The following PRIM2 variants were observed in gnomAD, a reference collection of about 807,000 sequenced individuals.
PRIM2 encodes DNA primase large subunit.
In PRIM2, 39 loss-of-function variants were observed where a neutral mutation model predicts 67.3. The observed-to-expected ratio is 0.58, with a 90% CI of 0.45 to 0.76. PRIM2 has a LOEUF of 0.76. Among genes scored for constraint, PRIM2 ranks in the 30% least tolerant of loss-of-function variants. The pLI is 0.00. For missense variants in PRIM2, 398 were observed against 598.7 expected (o/e 0.66, Z 3.50); for synonymous variants, 143 against 198.7 (o/e 0.72, Z 2.36).
At chr6:57,477,690 T>C (rs1773508549) in intron 7 of PRIM2, among the ~76,000 whole-genome samples, 5 of 152,220 alleles carry the variant, frequency 3.3e-5, no homozygotes. Context: ...TTGAAGACTA[T>C]AGATTCTTTA....
In PRIM2 at chr6:57,488,121, C is replaced by T. The variant is rs1181182320; in HGVS notation, c.694-19266C>T. Among the ~76,000 whole-genome samples, 189 of 152,316 alleles carry T rather than the reference C, an allele frequency of 1.2e-3. 5 individuals carry two copies. In the East Asian group the frequency reaches 0.016, roughly 13 times the overall value. On this transcript the variant is annotated intron_variant, in intron 7 of 13. Transcript: ENST00000615550. The stretch of plus-strand genomic sequence containing the variant: ...TCTGACCTTCAACTCAGGCTTACAT[C>T]ATTTGTTACTATGTTCTTTCCATCT...
intron 13 of PRIM2, among the ~76,000 whole-genome samples, chr6:57,645,038 C>T (rs1457377001): frequency 6.6e-6 from 1 of 151,976 alleles, no homozygotes; most frequent in East Asian, 1.9e-4. Flanking sequence ...TGTAAAAAGA[C>T]CAAGGAAAGG....
At chr6:57,316,956 G>C (rs1767498836), upstream of PRIM2, among the ~76,000 whole-genome samples, 2 of 152,176 alleles carry the variant, frequency 1.3e-5, no homozygotes, top group South Asian at 4.1e-4. Context: ...ATTCAGCTGC[G>C]CGCTTCCTCT....
chr6:57,583,471 C>T (rs1364828533), intron 10 of PRIM2, among the ~76,000 whole-genome samples: 3 of 151,270 alleles, frequency 2.0e-5, no homozygotes, highest in African/African-American at 4.9e-5. Flanking sequence ...TGATGGTTTC[C>T]AATTTCATCC....
At chr6:57,624,916 T>C (rs1776921442) in intron 12 of PRIM2, among the ~76,000 whole-genome samples, 1 of 152,072 alleles carries the variant, frequency 6.6e-6, no homozygotes, top group South Asian at 2.1e-4. Context: ...TGGTGGAAGG[T>C]GAGAGGCACG....
chr6:57,419,523 T>C (rs1263726699), intron 7 of PRIM2, among the ~76,000 whole-genome samples: 1 of 152,048 alleles, frequency 6.6e-6, no homozygotes, highest in Non-Finnish European at 1.5e-5. Context: ...AGGAACAAGG[T>C]GTGGTTTCCT....
Position 57,463,281 on chromosome 6 carries a change from G to A in PRIM2, c.694-44106G>A, listed in dbSNP as rs111605888. Among the ~76,000 whole-genome samples the A allele has an allele frequency of 1.6e-3, 237 of 152,224 alleles. 1 individual carries two copies. In the Middle Eastern group the frequency reaches 0.044, roughly 28 times the overall value. On this transcript the variant is annotated intron_variant, in intron 7 of 13. Coordinates refer to ENST00000615550, the MANE Select transcript of PRIM2 (RefSeq NM_000947.5). ...CCAAGGCAGGAGGATCGCTTGAGGC[G>A]AGGAGTTTGATACCAGTTTGGGCAA...
intron 10 of PRIM2, among the ~76,000 whole-genome samples, chr6:57,557,849 A>C (rs1775547539): frequency 6.6e-6 from 1 of 152,042 alleles, no homozygotes; most frequent in East Asian, 1.9e-4. Flanking sequence ...CTTGTATTTT[A>C]ATATAACTAT....
At chr6:57,518,945 A>G (rs1554348568) in intron 8 of PRIM2, among the ~76,000 whole-genome samples, 1 of 152,184 alleles carries the variant, frequency 6.6e-6, no homozygotes, top group Non-Finnish European at 1.5e-5. Context: ...CTTAAGCGTC[A>G]GCCAGCTTGA....
At chr6:57,258,531 C>G in the PRIM2 span, among the ~76,000 whole-genome samples, 1 of 152,166 alleles carries the variant, frequency 6.6e-6, no homozygotes, top group Non-Finnish European at 1.5e-5. Flanking sequence ...AAATTCTCCA[C>G]CTACAGTAAT....
In PRIM2 at chr6:57,417,955, C is replaced by T. The variant is rs73752120; in HGVS notation, c.693+35787C>T. On this transcript the variant is annotated intron_variant, in intron 7 of 13. Coordinates refer to ENST00000615550, the MANE Select transcript of PRIM2 (RefSeq NM_000947.5). Reference sequence around the variant, plus strand: ...GTATATGTGCAGCCATCTAGATCCTCGCTAATCAATTAGAGCACAAAGATT... The same window carrying T: ...GTATATGTGCAGCCATCTAGATCCTTGCTAATCAATTAGAGCACAAAGATT... Among the ~76,000 whole-genome samples, 12 of 152,186 alleles carry T rather than the reference C, an allele frequency of 7.9e-5. No homozygotes were observed. In the East Asian group the frequency reaches 1.5e-3, roughly 20 times the overall value.
the PRIM2 span, among the ~76,000 whole-genome samples, chr6:57,236,337 CATT>C: frequency 6.7e-6 from 1 of 150,350 alleles, no homozygotes; most frequent in African/African-American, 2.4e-5. Context: ...CTTCCCAATT[CATT>C]ATTATTATTA....
At chr6:57,287,300 C>T in the PRIM2 span, among the ~76,000 whole-genome samples, 1 of 152,180 alleles carries the variant, frequency 6.6e-6, no homozygotes, top group African/African-American at 2.4e-5. Context: ...CATAAAGACA[C>T]ATGCACACGT....
the PRIM2 span, among the ~76,000 whole-genome samples, chr6:57,304,710 T>TG: frequency 6.6e-6 from 1 of 152,228 alleles, no homozygotes; most frequent in African/African-American, 2.4e-5. Flanking sequence ...TGGGGCATTG[T>TG]GGGGCAGAGA....
intron 7 of PRIM2, among the ~76,000 whole-genome samples, chr6:57,449,982 T>A (rs1772489073): frequency 6.6e-6 from 1 of 152,184 alleles, no homozygotes; most frequent in African/African-American, 2.4e-5. Context: ...ATGACAAAGG[T>A]AACTCAGTTT....
At chr6:57,250,419 T>C in the PRIM2 span, among the ~76,000 whole-genome samples, 50 of 152,192 alleles carry the variant, frequency 3.3e-4, no homozygotes, top group African/African-American at 1.1e-3. Context: ...GGGAAAAAAT[T>C]GACTTCAAAT....
intron 5 of PRIM2, among the ~76,000 whole-genome samples, chr6:57,348,978 C>T (rs1768770872): frequency 6.6e-6 from 1 of 152,030 alleles, no homozygotes; most frequent in Admixed American, 6.6e-5. Context: ...ATCTCTTGAC[C>T]TGGTGATCTG....
intron 10 of PRIM2, among the ~76,000 whole-genome samples, chr6:57,593,922 T>C (rs1776323699): frequency 6.6e-6 from 1 of 152,232 alleles, no homozygotes; most frequent in East Asian, 1.9e-4. Context: ...TTTTCTCTTT[T>C]AGAGAGATTA....
intron 10 of PRIM2, among the ~76,000 whole-genome samples, chr6:57,563,601 A>G (rs1271477950): frequency 6.6e-6 from 1 of 152,184 alleles, no homozygotes; most frequent in Non-Finnish European, 1.5e-5. Flanking sequence ...TCAGTCATTG[A>G]ATTTTGCAAA....
Sources: gnomAD v4.1 joint callset for allele counts (sites outside exome capture counted in the v4.1 genomes callset) on GRCh38, gnomAD v4.1.1 for gene constraint, MANE v1.5 for transcripts, NCBI Gene and HGNC (gene_info 2026-07-23, HGNC 2026-07-21) for gene names.